The following LCORL variants were observed in gnomAD, a reference collection of about 807,000 sequenced individuals.
LCORL encodes the protein ligand dependent nuclear receptor corepressor like.
Under a neutral mutation model 141.8 loss-of-function variants are expected in LCORL, and 41 were observed. That is an observed-to-expected ratio of 0.29 (90% confidence interval 0.23 to 0.38). LCORL has a LOEUF of 0.38. LCORL is among the 10% of genes least tolerant of loss of function. LCORL has a pLI of 1.00. For missense variants in LCORL, 1,759 were observed against 2,035.0 expected (o/e 0.86, Z 2.61); for synonymous variants, 618 against 694.1 (o/e 0.89, Z 1.72).
chr4:17,860,318 T>C (rs1724857885), intron 7 of LCORL, among the ~76,000 whole-genome samples: 1 of 152,180 alleles, frequency 6.6e-6, no homozygotes, highest in Admixed American at 6.5e-5. Context: ...CAGTTTCACA[T>C]GGCTGGGGAA....
intron 7 of LCORL, among the ~76,000 whole-genome samples, chr4:17,853,145 T>C (rs16895895): frequency 0.12 from 17,490 of 147,000 alleles, 1,127 homozygotes; most frequent in South Asian, 0.25. Flanking sequence ...CCAAGCCACA[T>C]AACTAGTAAA....
At position 17,923,267 on chromosome 4, in the gene LCORL, G is replaced by C. The variant is rs187818690; in HGVS notation, c.431-13922C>G. ...TTTATGGATTTAGGCTCACTAAGCA[G>C]GAATTCTGCATTTAATGTTGCAGCT... On this transcript the variant is annotated intron_variant, in intron 4 of 7. Coordinates refer to ENST00000635767, the Ensembl canonical transcript of LCORL. Among the ~76,000 whole-genome samples the C allele has an allele frequency of 7.7e-3, 1,172 of 152,340 alleles. 7 individuals are homozygous for C. The highest frequency in any genetic ancestry group is 0.012 in the Non-Finnish European group (829 of 68,040).
At chr4:17,886,281 C>T (rs1728257193) in intron 5 of LCORL, 120 bp from the exon 6 acceptor site, 2 of 646,526 alleles carry the variant, frequency 3.1e-6, no homozygotes, top group Non-Finnish European at 5.5e-6. Flanking sequence ...GTGGCCATTA[C>T]CTATTCATCT....
intron 4 of LCORL, among the ~76,000 whole-genome samples, chr4:17,925,644 G>C (rs1005299935): frequency 6.6e-6 from 1 of 152,060 alleles, no homozygotes. Context: ...GGCCGAGGCA[G>C]GCAGATCATG....
exon 8 of LCORL, chr4:17,841,679 C>A (rs747873058): frequency 2.6e-5 from 4 of 151,780 alleles, no homozygotes; most frequent in African/African-American, 4.8e-5. Context: ...TTGTTTTATT[C>A]CTTATAAATG....
At chr4:17,959,875 G>A (rs1304757097) in intron 4 of LCORL, among the ~76,000 whole-genome samples, 1 of 152,060 alleles carries the variant, frequency 6.6e-6, no homozygotes, top group Non-Finnish European at 1.5e-5. Context: ...CAAAGACTCA[G>A]AAGTATTTCC....
At chr4:17,974,851 C>T (rs962897656) in intron 1 of LCORL, among the ~76,000 whole-genome samples, 1 of 152,062 alleles carries the variant, frequency 6.6e-6, no homozygotes, top group African/African-American at 2.4e-5. Context: ...AATTACAGCA[C>T]TTATTGGCAA....
intron 4 of LCORL, among the ~76,000 whole-genome samples, chr4:17,931,380 T>C (rs1736012676): frequency 6.6e-6 from 1 of 152,134 alleles, no homozygotes; most frequent in African/African-American, 2.4e-5. Context: ...CGGATTTACT[T>C]TGCGATTTTT....
chr4:17,930,570 C>A (rs527909257), intron 4 of LCORL, among the ~76,000 whole-genome samples: 3 of 151,920 alleles, frequency 2.0e-5, no homozygotes, highest in Admixed American at 2.0e-4. Flanking sequence ...ATTTTTTGTT[C>A]CTCTTTAGAT....
At chr4:18,009,428 C>T (rs1723325183) in intron 1 of LCORL, among the ~76,000 whole-genome samples, 1 of 151,886 alleles carries the variant, frequency 6.6e-6, no homozygotes, top group Middle Eastern at 3.2e-3. Context: ...TCATGCCTGG[C>T]ATCCCTCCTA....
At chr4:17,906,658 C>T (rs1369913588) in intron 5 of LCORL, among the ~76,000 whole-genome samples, 2 of 150,098 alleles carry the variant, frequency 1.3e-5, no homozygotes, top group African/African-American at 2.5e-5. Flanking sequence ...AATCAAAGAT[C>T]TAAGGACTGG....
At chr4:18,010,396 G>A (rs926329807) in intron 1 of LCORL, among the ~76,000 whole-genome samples, 1 of 151,306 alleles carries the variant, frequency 6.6e-6, no homozygotes, top group Non-Finnish European at 1.5e-5. Flanking sequence ...ATGTGTGTGT[G>A]TCTGTGTGTG....
At chr4:17,906,966 G>T (rs781633711) in intron 5 of LCORL, among the ~76,000 whole-genome samples, 6 of 152,204 alleles carry the variant, frequency 3.9e-5, no homozygotes, top group Non-Finnish European at 8.8e-5. Context: ...ACAGGTGTGA[G>T]CCACCATGCC....
At chr4:17,930,697 G>A (rs1180806795) in intron 4 of LCORL, among the ~76,000 whole-genome samples, 14 of 152,086 alleles carry the variant, frequency 9.2e-5, no homozygotes. Flanking sequence ...TACGTTTGAC[G>A]CTTTTGTATT....
chr4:17,878,091 A>T (rs954432816), exon 7 of LCORL: 2 of 1,230,574 alleles, frequency 1.6e-6, no homozygotes, highest in Non-Finnish European at 2.0e-6. Flanking sequence ...TTGGACTAGA[A>T]ATTTCAACAT....
At chr4:17,983,183 T>C (rs1718324135) in intron 1 of LCORL, among the ~76,000 whole-genome samples, 1 of 152,230 alleles carries the variant, frequency 6.6e-6, no homozygotes, top group South Asian at 2.1e-4. Context: ...TGGTATAGTT[T>C]GAAGTCAGGT....
intron 4 of LCORL, among the ~76,000 whole-genome samples, chr4:17,950,908 T>C (rs1391037208): frequency 6.6e-6 from 1 of 152,188 alleles, no homozygotes; most frequent in Non-Finnish European, 1.5e-5. Context: ...AATAGAGTAT[T>C]GGGCGACCAG....
chr4:17,873,943 C>CA lies in LCORL; in HGVS notation c.5046dup (p.Ala1683CysfsTer2). 8.1e-7 allele frequency: 1 copy of CA among 1,233,954 alleles called. No individual in the cohort carries two copies. The highest frequency in any genetic ancestry group is 1.0e-6 in the Non-Finnish European group (1 of 987,896). 76.4% of individuals were successfully genotyped at this position (1,233,954 alleles called of 1,614,324 possible). ...GACTTAAATTTATTCTCAAAACTAG[C>CA]ATGTATTTTGAAGTCAGGCATTACT... On this transcript the variant is annotated frameshift_variant, in exon 7 of 8. Coordinates refer to ENST00000635767, the Ensembl canonical transcript of LCORL. LOFTEE classifies it high-confidence loss of function.
chr4:17,970,883 T>C (rs1314277783), intron 2 of LCORL, among the ~76,000 whole-genome samples: 3 of 152,156 alleles, frequency 2.0e-5, no homozygotes, highest in Non-Finnish European at 4.4e-5. Context: ...AGAACCCAAA[T>C]AAAATTCTAT....
Sources: allele counts gnomAD v4.1 joint callset (sites outside exome capture counted in the v4.1 genomes callset), GRCh38; gene constraint gnomAD v4.1.1; transcripts MANE v1.5; gene names NCBI Gene and HGNC (gene_info 2026-07-23, HGNC 2026-07-21).